ZC3H12B: variants seen among roughly 807,000 people sequenced by gnomAD.
ZC3H12B encodes the protein zinc finger CCCH-type containing 12B, also known as probable ribonuclease ZC3H12B.
In ZC3H12B, 7 loss-of-function variants were observed where a neutral mutation model predicts 43.9. That is an observed-to-expected ratio of 0.16 (90% confidence interval 0.09 to 0.30). ZC3H12B has a LOEUF of 0.30. Among genes scored for constraint, ZC3H12B ranks in the 10% least tolerant of loss-of-function variants. The pLI, the probability that ZC3H12B is intolerant of heterozygous loss-of-function variation, is 1.00. For missense variants in ZC3H12B, 475 were observed against 670.2 expected (o/e 0.71, Z 3.22); for synonymous variants, 222 against 241.7 (o/e 0.92, Z 0.76).
At chrX:65,140,344 T>C in the ZC3H12B span, among the ~76,000 whole-genome samples, 2 of 111,630 alleles carry the variant, frequency 1.8e-5, no homozygotes, top group Non-Finnish European at 3.8e-5. Flanking sequence ...TCTGATCTAT[T>C]TAGATGATCA....
At chrX:65,488,954 T>C in exon 1 of ZC3H12B, 2 of 1,210,680 alleles carry the variant, frequency 1.7e-6, no homozygotes, top group East Asian at 3.0e-5. Context: ...AGATAAGCCT[T>C]AAGAGTAGCG....
intron 3 of ZC3H12B, among the ~76,000 whole-genome samples, chrX:65,418,098 T>C (rs541663234): frequency 8.9e-6 from 1 of 112,190 alleles, no homozygotes; most frequent in East Asian, 2.8e-4. Context: ...GATGCATTAC[T>C]ATTTTATTTT....
chrX:65,244,384 G>A, the ZC3H12B span, among the ~76,000 whole-genome samples: 1,640 of 110,590 alleles, frequency 0.015, 27 homozygotes, highest in African/African-American at 0.051. Flanking sequence ...CATGAAGTGA[G>A]CATATGCTCT....
chrX:65,209,786 T>TTG, the ZC3H12B span, among the ~76,000 whole-genome samples: 82 of 103,629 alleles, frequency 7.9e-4, no homozygotes, highest in Admixed American at 1.4e-3. Flanking sequence ...TATCTGATCT[T>TTG]TGACAAACCT....
the ZC3H12B span, among the ~76,000 whole-genome samples, chrX:65,154,191 T>G: frequency 9.0e-6 from 1 of 111,511 alleles, no homozygotes; most frequent in African/African-American, 3.3e-5. Flanking sequence ...GTAACTAACC[T>G]GCACATTGTG....
chrX:65,334,952 A>T, the ZC3H12B span, among the ~76,000 whole-genome samples: 1 of 111,597 alleles, frequency 9.0e-6, no homozygotes, highest in East Asian at 2.8e-4. Context: ...CAGTGTGGGG[A>T]CACTTCCGTA....
At chrX:65,132,536 G>C in the ZC3H12B span, among the ~76,000 whole-genome samples, 1 of 110,377 alleles carries the variant, frequency 9.1e-6, no homozygotes, top group Non-Finnish European at 1.9e-5. Context: ...AGGAGGCTTT[G>C]AACTGGGGAA....
the ZC3H12B span, among the ~76,000 whole-genome samples, chrX:65,257,866 G>A: frequency 9.0e-6 from 1 of 110,862 alleles, no homozygotes; most frequent in African/African-American, 3.3e-5. Context: ...CTAATAATGA[G>A]TTTCAAAATT....
the ZC3H12B span, among the ~76,000 whole-genome samples, chrX:65,075,716 G>A: frequency 4.5e-5 from 5 of 111,825 alleles, no homozygotes; most frequent in East Asian, 1.4e-3. Context: ...GTTCTCAGTA[G>A]CCTTCAACCT....
At chrX:65,416,572 G>A (rs1209231228) in intron 3 of ZC3H12B, among the ~76,000 whole-genome samples, 1 of 108,367 alleles carries the variant, frequency 9.2e-6, no homozygotes, top group African/African-American at 3.4e-5. Flanking sequence ...ACGAGGTCAG[G>A]AGATCGAGAC....
the ZC3H12B span, among the ~76,000 whole-genome samples, chrX:65,162,528 G>C: frequency 1.8e-5 from 2 of 111,104 alleles, no homozygotes; most frequent in African/African-American, 3.3e-5. Context: ...CATCTTTCAT[G>C]ACTGATACCC....
At chrX:65,052,530 T>C in the ZC3H12B span, among the ~76,000 whole-genome samples, 27 of 111,444 alleles carry the variant, frequency 2.4e-4, no homozygotes, top group East Asian at 5.7e-4. Flanking sequence ...AAAAATGTTA[T>C]GTTTGTCTTT....
At chrX:65,365,516 G>C (rs1441990657), upstream of ZC3H12B, among the ~76,000 whole-genome samples, 1 of 110,734 alleles carries the variant, frequency 9.0e-6, no homozygotes, top group African/African-American at 3.3e-5. Context: ...TCCCATTGTA[G>C]GTTCCCATGC....
chrX:65,257,604 TA>T, the ZC3H12B span, among the ~76,000 whole-genome samples: 1 of 107,692 alleles, frequency 9.3e-6, no homozygotes, highest in African/African-American at 3.4e-5. Flanking sequence ...AGTATAATAA[TA>T]AAAAAAGAGA....
the ZC3H12B span, among the ~76,000 whole-genome samples, chrX:65,193,110 T>C: frequency 1.4e-5 from 1 of 70,101 alleles, no homozygotes; most frequent in Non-Finnish European, 2.1e-5. Context: ...GGCCTGAAGG[T>C]TTTTTTTTTT....
chrX:65,123,218 T>C, the ZC3H12B span, among the ~76,000 whole-genome samples: 1 of 111,954 alleles, frequency 8.9e-6, no homozygotes, highest in Admixed American at 9.5e-5. Flanking sequence ...GTTTATTTGA[T>C]GGATTACATT....
At chrX:65,370,897 T>C (rs1443296947) in intron 2 of ZC3H12B, among the ~76,000 whole-genome samples, 1 of 111,952 alleles carries the variant, frequency 8.9e-6, no homozygotes, top group East Asian at 2.8e-4. Flanking sequence ...GAGTAGGAAA[T>C]ACATTGAATG....
At chrX:65,254,402 C>G in the ZC3H12B span, among the ~76,000 whole-genome samples, 18 of 112,642 alleles carry the variant, frequency 1.6e-4, no homozygotes, top group Middle Eastern at 4.6e-3. Flanking sequence ...GAGGCCAACA[C>G]TAGCCTTGCA....
the ZC3H12B span, among the ~76,000 whole-genome samples, chrX:65,118,849 T>G: frequency 1.1e-5 from 1 of 93,335 alleles, no homozygotes; most frequent in Non-Finnish European, 2.1e-5. Flanking sequence ...CCTTCCTGTG[T>G]CCATGTGTTC....
Sources: allele counts gnomAD v4.1 joint callset (sites outside exome capture counted in the v4.1 genomes callset), GRCh38; gene constraint gnomAD v4.1.1; transcripts MANE v1.5; gene names NCBI Gene and HGNC (gene_info 2026-07-23, HGNC 2026-07-21).